The following IQSEC1 variants were observed in gnomAD, a reference collection of about 807,000 sequenced individuals.
IQSEC1 encodes IQ motif and SEC7 domain-containing protein 1.
IQSEC1 carries 31 observed loss-of-function variants against 91.0 expected under a neutral mutation model. That is an observed-to-expected ratio of 0.34 (90% confidence interval 0.26 to 0.46). The LOEUF is 0.46. Among genes scored for constraint, IQSEC1 ranks in the 20% least tolerant of loss-of-function variants. The probability of loss-of-function intolerance (pLI) is 1.00; values close to 1 mark genes in which losing one functional copy is unlikely to be tolerated. For synonymous variants in IQSEC1, 699 were observed against 662.6 expected (o/e 1.05, Z -0.84); for missense variants, 1,388 against 1,575.6 (o/e 0.88, Z 2.02).
At chr3:12,965,579 C>T (rs956333374) in intron 1 of IQSEC1, among the ~76,000 whole-genome samples, 2 of 152,264 alleles carry the variant, frequency 1.3e-5, no homozygotes, top group Non-Finnish European at 2.9e-5. Context: ...ACCTCCAAGA[C>T]CTCTGCCTCA....
intron 1 of IQSEC1, among the ~76,000 whole-genome samples, chr3:13,258,343 CTA>C (rs1482062507): frequency 1.4e-4 from 21 of 152,262 alleles, no homozygotes; most frequent in African/African-American, 4.6e-4. Flanking sequence ...AAAGTAAAGA[CTA>C]TTAACAAACA....
intron 3 of IQSEC1, among the ~76,000 whole-genome samples, chr3:12,927,671 G>A (rs148698233): frequency 5.9e-5 from 9 of 152,374 alleles, no homozygotes; most frequent in Admixed American, 2.6e-4. Flanking sequence ...TGTGGGAAGC[G>A]GGCACGTGGG....
chr3:12,930,111 G>A (rs1433317142), intron 3 of IQSEC1, among the ~76,000 whole-genome samples: 1 of 152,224 alleles, frequency 6.6e-6, no homozygotes, highest in Non-Finnish European at 1.5e-5. Context: ...ACACCTACCT[G>A]CTGGAGCAAA....
chr3:13,202,770 C>T (rs188034144), intron 1 of IQSEC1, among the ~76,000 whole-genome samples: 4 of 152,238 alleles, frequency 2.6e-5, no homozygotes, highest in South Asian at 2.1e-4. Flanking sequence ...AAGATGGTTA[C>T]GATGGTCAAT....
chr3:13,162,850 T>C (rs1707202900), intron 2 of IQSEC1, among the ~76,000 whole-genome samples: 1 of 151,822 alleles, frequency 6.6e-6, no homozygotes, highest in Admixed American at 6.6e-5. Context: ...TGCTGCCCCC[T>C]CCCTCGGATC....
intron 1 of IQSEC1, among the ~76,000 whole-genome samples, chr3:13,063,325 C>A (rs1441490623): frequency 1.3e-5 from 2 of 152,244 alleles, no homozygotes; most frequent in Admixed American, 1.3e-4. Context: ...AAAGTACTTG[C>A]TTCCTTCCCT....
chr3:13,231,035 T>C (rs1183086670), intron 1 of IQSEC1, among the ~76,000 whole-genome samples: 2 of 152,216 alleles, frequency 1.3e-5, no homozygotes, highest in African/African-American at 4.8e-5. Context: ...AAAGTATTGA[T>C]GATTTTACCA....
At chr3:13,239,814 AG>A (rs1694990170) in intron 1 of IQSEC1, among the ~76,000 whole-genome samples, 1 of 152,228 alleles carries the variant, frequency 6.6e-6, no homozygotes, top group South Asian at 2.1e-4. Flanking sequence ...CGTTGCGAAG[AG>A]GCCCCAGCGC....
intron 2 of IQSEC1, among the ~76,000 whole-genome samples, chr3:13,095,666 C>A (rs769075758): frequency 1.3e-5 from 2 of 152,112 alleles, no homozygotes; most frequent in African/African-American, 4.8e-5. Flanking sequence ...CTTTTAGGAA[C>A]TGGCGCTTGT....
rs2125596036 is a variant in IQSEC1 at position 12,983,697 on chromosome 3, C to T, written c.24-41832G>A. Among the ~76,000 whole-genome samples, 1 of 152,342 alleles carries T rather than the reference C, an allele frequency of 6.6e-6. No individual in the cohort carries two copies. Among genetic ancestry groups the T allele is most frequent in the South Asian group, 2.1e-4 (1 of 4,830 alleles). ...GGCCACGCTGGGCAATTCCTCCCAG[C>T]ACCTGGGCGATGCTGTTCAGAGGAC... On this transcript the variant is annotated intron_variant, in intron 1 of 13. Transcript: ENST00000613206. This position sits in a 1 kb window ranked among gnomAD's most constrained non-coding sequence, Gnocchi z 4.3.
chr3:12,915,530 G>A (rs2125125808), intron 7 of IQSEC1, 64 bp downstream of exon 7: 1 of 1,564,452 alleles, frequency 6.4e-7, no homozygotes, highest in Non-Finnish European at 8.7e-7. Flanking sequence ...GAGTGAGAAG[G>A]CCTGGCAGGC....
chr3:13,029,735 C>T (rs1703772064), intron 1 of IQSEC1, among the ~76,000 whole-genome samples: 3 of 152,218 alleles, frequency 2.0e-5, no homozygotes, highest in Admixed American at 6.5e-5. Context: ...TGCATGCGTG[C>T]ACGTGTCCAC....
rs546130890 is a variant in IQSEC1, at chr3:13,193,351, G to T, written c.273-29218C>A. ...TTTACATTCTGAATACATATTTGGG[G>T]GTGGGAGGTCTGAAATCCACCAGTG... On this transcript the variant is annotated intron_variant, in intron 1 of 15. Coordinates refer to the IQSEC1 transcript ENST00000648114. This position sits in a 1 kb window ranked among gnomAD's most constrained non-coding sequence, Gnocchi z 4.2. 9.2e-5 allele frequency among the ~76,000 whole-genome samples: 14 copies of T among 152,322 alleles called. No individual in the cohort carries two copies. The highest frequency in any genetic ancestry group is 2.9e-4 in the African/African-American group (12 of 41,566).
At chr3:13,281,745 T>A (rs1389646248) in intron 1 of IQSEC1, among the ~76,000 whole-genome samples, 2 of 152,194 alleles carry the variant, frequency 1.3e-5, no homozygotes, top group African/African-American at 2.4e-5. Context: ...GCAGGAAGAC[T>A]GTCCTGAAGC....
intron 1 of IQSEC1, among the ~76,000 whole-genome samples, chr3:13,256,355 T>C (rs1010378750): frequency 1.3e-5 from 2 of 152,198 alleles, no homozygotes; most frequent in African/African-American, 2.4e-5. Context: ...CTTTTAACCA[T>C]AAAAAAATCT....
chr3:13,022,854 C>G (rs577987997), intron 1 of IQSEC1, among the ~76,000 whole-genome samples: 1 of 152,192 alleles, frequency 6.6e-6, no homozygotes, highest in Non-Finnish European at 1.5e-5. Context: ...GTGAGTGAGA[C>G]GGTTTCCAGC....
intron 2 of IQSEC1, among the ~76,000 whole-genome samples, chr3:13,159,931 T>C (rs1003590471): frequency 6.6e-6 from 1 of 152,180 alleles, no homozygotes; most frequent in Admixed American, 6.5e-5. Flanking sequence ...CTATGGTCCC[T>C]CTTCCATAAA....
rs73142876 is a variant in IQSEC1, at chr3:13,067,669, C to T, written c.23+5323G>A. ...CCCATCTCTGTGCACTGGGTGCCCA[C>T]TGGCCCCACCCACAAGGGCACACAG... On this transcript the variant is annotated intron_variant, in intron 1 of 13. Coordinates refer to ENST00000613206, the MANE Select transcript of IQSEC1 (RefSeq NM_001134382.3). Among the ~76,000 whole-genome samples the T allele has an allele frequency of 8.6e-3, 1,303 of 152,330 alleles. 32 individuals are homozygous for T. The highest frequency in any genetic ancestry group is 0.029 in the African/African-American group (1,212 of 41,574).
chr3:13,249,978 C>A (rs985191540), intron 1 of IQSEC1, among the ~76,000 whole-genome samples: 1 of 152,250 alleles, frequency 6.6e-6, no homozygotes, highest in African/African-American at 2.4e-5. Flanking sequence ...GAGGGCCCGT[C>A]AGCTCCATTG....
Sources: allele counts gnomAD v4.1 joint callset (sites outside exome capture counted in the v4.1 genomes callset), GRCh38; gene constraint gnomAD v4.1.1; non-coding constraint Gnocchi (gnomAD v3.1); transcripts MANE v1.5; gene names NCBI Gene and HGNC (gene_info 2026-07-23, HGNC 2026-07-21).